SHISAL1: variants seen among roughly 807,000 people sequenced by gnomAD.
The protein encoded by SHISAL1 is shisa like 1, also known as protein shisa-like-1.
SHISAL1 carries 9 observed loss-of-function variants against 22.6 expected under a neutral mutation model. The ratio of observed to expected loss-of-function variants is 0.40; its 90% CI spans 0.24 to 0.70. The LOEUF is 0.70. Among genes scored for constraint, SHISAL1 ranks in the 30% least tolerant of loss-of-function variants. The pLI, the probability that SHISAL1 is intolerant of heterozygous loss-of-function variation, is 0.39. For missense variants in SHISAL1, 246 were observed against 270.6 expected, an observed-to-expected ratio of 0.91 and a Z score of 0.64; for synonymous variants, 119 against 115.4, an observed-to-expected ratio of 1.03 and a Z score of -0.20.
intron 4 of SHISAL1, among the ~76,000 whole-genome samples, chr22:44,278,672 T>C (rs12484409): frequency 0.03 from 4,640 of 152,220 alleles, 270 homozygotes; most frequent in Admixed American, 0.16. Context: ...CAAGGAGTTG[T>C]GTTCCCCAGG....
intron 2 of SHISAL1, among the ~76,000 whole-genome samples, chr22:44,299,836 A>G (rs1420981422): frequency 6.6e-6 from 1 of 152,132 alleles, no homozygotes; most frequent in African/African-American, 2.4e-5. Context: ...AGAGACACAG[A>G]GAGATAGACA....
chr22:44,321,525 A>G, the SHISAL1 span, among the ~76,000 whole-genome samples: 28,450 of 152,012 alleles, frequency 0.19, 2,780 homozygotes, highest in East Asian at 0.31. Context: ...ACACCTGTGC[A>G]TTATCTTACA....
Position 44,251,888 on chromosome 22 carries a change from T to C in SHISAL1, c.*-2203A>G, listed in dbSNP as rs11912674. Among the ~76,000 whole-genome samples, 280 of 152,320 alleles carry C rather than the reference T, an allele frequency of 1.8e-3. 1 individual carries two copies. Among genetic ancestry groups the C allele is most frequent in the African/African-American group, 6.5e-3 (270 of 41,574 alleles). On this transcript the variant is annotated intron_variant, in intron 4 of 4. Coordinates refer to ENST00000381176, the MANE Select transcript of SHISAL1 (RefSeq NM_001099294.2). ...TGCCTTACAGTGAGAAGGTACTTAT[T>C]GCCCCTGAACCGTATACTTAAAAAT...
chr22:44,261,771 G>T (rs2147273298), intron 4 of SHISAL1, among the ~76,000 whole-genome samples: 1 of 152,378 alleles, frequency 6.6e-6, no homozygotes, highest in African/African-American at 2.4e-5. Context: ...AACTGTTCCT[G>T]TGTGGCCACT....
At chr22:44,258,897 T>TG (rs201734762) in intron 4 of SHISAL1, among the ~76,000 whole-genome samples, 2,086 of 151,752 alleles carry the variant, frequency 0.014, 21 homozygotes, top group Non-Finnish European at 0.02. Flanking sequence ...CGTGGAGGGT[T>TG]GGGGGGTCAG....
the SHISAL1 span, among the ~76,000 whole-genome samples, chr22:44,323,315 CATCCACCCATTCATCCATCT>C: frequency 9.6e-5 from 14 of 146,454 alleles, no homozygotes; most frequent in African/African-American, 1.5e-4. Context: ...TCCATCCATC[CATCCACCCATTCATCCATCT>C]ATCCACCCAT....
chr22:44,249,126 C>G lies in SHISAL1; in HGVS notation c.*559G>C, dbSNP rs2055027697. On this transcript the variant is annotated 3_prime_UTR_variant, in exon 5 of 5. Coordinates refer to ENST00000381176, the MANE Select transcript of SHISAL1 (RefSeq NM_001099294.2). ...TCGGACATTGACACGGATGAGAACCCCCAGCCGGAGGGTGACTCATGCCCA... is the reference window on the plus strand; with the variant it reads ...TCGGACATTGACACGGATGAGAACCGCCAGCCGGAGGGTGACTCATGCCCA... The G allele has an allele frequency of 6.6e-6, 1 of 152,050 alleles. No homozygotes were observed. Among genetic ancestry groups the G allele is most frequent in the Admixed American group, 6.6e-5 (1 of 15,250 alleles). The allele number at this position is 152,050 out of a possible 1,614,324, so 9.4% of individuals were successfully genotyped here.
intron 4 of SHISAL1, among the ~76,000 whole-genome samples, chr22:44,259,444 GAATAGAATAAA>G (rs1399130808): frequency 1.4e-5 from 2 of 142,884 alleles, no homozygotes; most frequent in Middle Eastern, 3.7e-3. Flanking sequence ...TCTAAAAATA[GAATAGAATAAA>G]AATAAAATAA....
intron 1 of SHISAL1, among the ~76,000 whole-genome samples, chr22:44,311,651 G>A (rs1185237592): frequency 6.6e-6 from 1 of 152,218 alleles, no homozygotes; most frequent in Non-Finnish European, 1.5e-5. Flanking sequence ...CTGGGGAAAG[G>A]GGGACTTGAG....
chr22:44,324,278 C>A, the SHISAL1 span, among the ~76,000 whole-genome samples: 1 of 152,158 alleles, frequency 6.6e-6, no homozygotes, highest in African/African-American at 2.4e-5. Context: ...TAGATCAGAA[C>A]CCAGGCTCCA....
At chr22:44,321,693 C>T in the SHISAL1 span, among the ~76,000 whole-genome samples, 632 of 152,336 alleles carry the variant, frequency 4.1e-3, 4 homozygotes, top group Non-Finnish European at 6.9e-3. Context: ...GCACCCACCC[C>T]CTTCTGAGGA....
At chr22:44,314,535 G>C (rs1370096184), upstream of SHISAL1, among the ~76,000 whole-genome samples, 1 of 152,176 alleles carries the variant, frequency 6.6e-6, no homozygotes, top group Non-Finnish European at 1.5e-5. Flanking sequence ...AATTTTAAAA[G>C]TTCACCTTTG....
At position 44,253,832 on chromosome 22, in the gene SHISAL1, CTGTG is replaced by C. The variant is rs61001074; in HGVS notation, c.*-4151_*-4148del. 1.4e-3 allele frequency among the ~76,000 whole-genome samples: 202 copies of C among 149,278 alleles called. 1 individual carries two copies. The highest frequency in any genetic ancestry group is 4.6e-3 in the African/African-American group (187 of 40,658). On this transcript the variant is annotated intron_variant, in intron 4 of 4. Coordinates refer to ENST00000381176, the MANE Select transcript of SHISAL1 (RefSeq NM_001099294.2). ...TATACGGAGCCAAATAATCTAACAA[CTGTG>C]TGTGTGTGTGTGTGTGTGTAAAACA... is the stretch of plus-strand genomic sequence containing the variant.
the SHISAL1 span, among the ~76,000 whole-genome samples, chr22:44,325,247 GAA>G: frequency 2.4e-5 from 3 of 126,664 alleles, no homozygotes. Context: ...CGTCTCAAAA[GAA>G]AAAAAAAAAA....
intron 4 of SHISAL1, among the ~76,000 whole-genome samples, chr22:44,262,006 T>A (rs1230222289): frequency 6.6e-6 from 1 of 152,224 alleles, no homozygotes; most frequent in African/African-American, 2.4e-5. Flanking sequence ...GGCTCAGAAC[T>A]GAGTCAGGTG....
Position 44,289,634 on chromosome 22 carries a change from C to T in SHISAL1, c.282-3889G>A, listed in dbSNP as rs2055339699. The stretch of plus-strand genomic sequence containing the variant: ...GGGGGTGTTGCCTTTGCTGATTCGC[C>T]CTTCCTTGTGAGGTGACCACCCTGG... On this transcript the variant is annotated intron_variant, in intron 3 of 4. Transcript: ENST00000381176. Among the ~76,000 whole-genome samples the T allele has an allele frequency of 2.0e-5, 3 of 152,214 alleles. No homozygotes were observed. In the South Asian group the frequency reaches 6.2e-4, roughly 31 times the overall value.
intron 2 of SHISAL1, among the ~76,000 whole-genome samples, chr22:44,297,247 C>G (rs1234320976): frequency 2.0e-5 from 3 of 152,204 alleles, no homozygotes; most frequent in Non-Finnish European, 4.4e-5. Context: ...GTCTGAGATC[C>G]CACTTTACAG....
intron 4 of SHISAL1, among the ~76,000 whole-genome samples, chr22:44,256,252 T>G (rs1167340122): frequency 6.6e-6 from 1 of 151,052 alleles, no homozygotes; most frequent in African/African-American, 2.4e-5. Context: ...TCAGCTCTCC[T>G]GGGTCTCAGG....
the SHISAL1 span, among the ~76,000 whole-genome samples, chr22:44,323,773 C>A: frequency 1.3e-5 from 2 of 152,252 alleles, no homozygotes; most frequent in South Asian, 2.1e-4. Context: ...AGGAACAAGG[C>A]GGCCTCCACC....
Sources: allele counts gnomAD v4.1 joint callset (sites outside exome capture counted in the v4.1 genomes callset), GRCh38; gene constraint gnomAD v4.1.1; transcripts MANE v1.5; gene names NCBI Gene and HGNC (gene_info 2026-07-23, HGNC 2026-07-21).